The following RAPGEF5 variants were observed in gnomAD, a reference collection of about 807,000 sequenced individuals.
The protein encoded by RAPGEF5 is Rap guanine nucleotide exchange factor 5, also known as M-Ras-regulated GEF.
In RAPGEF5, 65 loss-of-function variants were observed where a neutral mutation model predicts 125.2. The observed-to-expected ratio is 0.52, with a 90% CI of 0.43 to 0.64. The LOEUF (loss-of-function observed/expected upper bound fraction) is 0.64, where lower values mean the gene tolerates loss of function less well. Among genes scored for constraint, RAPGEF5 ranks in the 30% least tolerant of loss-of-function variants. RAPGEF5 has a pLI of 0.00. For missense variants in RAPGEF5, 958 were observed against 1,048.1 expected (o/e 0.91, Z 1.19); for synonymous variants, 391 against 385.9 (o/e 1.01, Z -0.16).
At chr7:22,254,680 C>T (rs1450574944) in intron 7 of RAPGEF5, among the ~76,000 whole-genome samples, 1 of 151,676 alleles carries the variant, frequency 6.6e-6, no homozygotes, top group East Asian at 1.9e-4. Flanking sequence ...TTTCTGGCAC[C>T]AGGGACCAGT....
At chr7:22,247,554 T>C (rs1240497040) in intron 7 of RAPGEF5, among the ~76,000 whole-genome samples, 8 of 152,206 alleles carry the variant, frequency 5.3e-5, no homozygotes. Flanking sequence ...TTGCTTCTCC[T>C]TCACCTTCTG....
At chr7:22,250,151 G>A (rs1231159967) in intron 7 of RAPGEF5, among the ~76,000 whole-genome samples, 1 of 152,076 alleles carries the variant, frequency 6.6e-6, no homozygotes, top group East Asian at 1.9e-4. Context: ...TTCATTGTAC[G>A]TGCCTTCATT....
intron 20 of RAPGEF5, among the ~76,000 whole-genome samples, chr7:22,142,994 T>C (rs1003153756): frequency 6.6e-6 from 1 of 152,230 alleles, no homozygotes; most frequent in African/African-American, 2.4e-5. Context: ...TGGGGCCATA[T>C]GGAGAAGATG....
intron 1 of RAPGEF5, among the ~76,000 whole-genome samples, chr7:22,348,178 T>C (rs891595866): frequency 1.3e-5 from 2 of 152,196 alleles, no homozygotes; most frequent in Non-Finnish European, 2.9e-5. Context: ...TGAATGTGCA[T>C]TTCTTTTGCT....
chr7:22,356,815 G>T lies in RAPGEF5; in HGVS notation c.231+15C>A, dbSNP rs1784430105. ...GCGCCGCCCGTGCCCACTCGGACAG[G>T]GCCGGGCCACTCACCCGGCCCCCAG... On this transcript the variant is annotated intron_variant, in intron 1 of 25. Transcript: ENST00000665637. The T allele has an allele frequency of 1.7e-6, 2 of 1,158,626 alleles. No homozygotes were observed. The highest frequency in any genetic ancestry group is 2.1e-6 in the Non-Finnish European group (2 of 939,850). 71.8% of individuals were successfully genotyped at this position (1,158,626 alleles called of 1,614,324 possible).
At chr7:22,156,983 A>AC (rs2128109742) in intron 15 of RAPGEF5, 95 bp from the exon 16 acceptor site, 2 of 1,497,830 alleles carry the variant, frequency 1.3e-6, no homozygotes, top group Non-Finnish European at 9.0e-7. Flanking sequence ...AACTAGCCAA[A>AC]TTTTTTTTTA....
At chr7:22,172,556 C>T (rs1157955086) in intron 11 of RAPGEF5, among the ~76,000 whole-genome samples, 2 of 151,960 alleles carry the variant, frequency 1.3e-5, no homozygotes, top group East Asian at 1.9e-4. Flanking sequence ...TCTAAAAATT[C>T]CCATTTTATT....
At chr7:22,206,412 C>T (rs1785396967) in intron 9 of RAPGEF5, among the ~76,000 whole-genome samples, 1 of 152,008 alleles carries the variant, frequency 6.6e-6, no homozygotes, top group Non-Finnish European at 1.5e-5. Context: ...ATTAAAAAAT[C>T]CAAGTGAGGC....
chr7:22,159,819 G>T (rs1453938862), intron 14 of RAPGEF5, among the ~76,000 whole-genome samples: 1 of 33,468 alleles, frequency 3.0e-5, no homozygotes, highest in Non-Finnish European at 5.8e-5. Context: ...CTTTTAAAAT[G>T]CTCCACAGGC....
chr7:22,252,028 T>C (rs190328154), intron 7 of RAPGEF5, among the ~76,000 whole-genome samples: 1 of 152,224 alleles, frequency 6.6e-6, no homozygotes, highest in East Asian at 1.9e-4. Flanking sequence ...AAAAAACATG[T>C]TCCCAGGAGC....
chr7:22,186,265 A>G (rs1784823420), intron 11 of RAPGEF5, among the ~76,000 whole-genome samples: 1 of 152,214 alleles, frequency 6.6e-6, no homozygotes, highest in Admixed American at 6.5e-5. Context: ...AACAATAGTG[A>G]TTTACCAACT....
At chr7:22,231,707 A>G (rs1451904606) in intron 7 of RAPGEF5, among the ~76,000 whole-genome samples, 1 of 152,208 alleles carries the variant, frequency 6.6e-6, no homozygotes, top group Non-Finnish European at 1.5e-5. Context: ...ACTGGGATCC[A>G]CACATAATGA....
chr7:22,193,752 T>C, intron 10 of RAPGEF5, 163 bp downstream of exon 10: 2 of 1,566,862 alleles, frequency 1.3e-6, no homozygotes, highest in South Asian at 1.2e-5. Flanking sequence ...ATCTGGCTGC[T>C]AAGAGCTCTG....
chr7:22,166,839 T>C (rs1784182114), intron 12 of RAPGEF5, among the ~76,000 whole-genome samples: 1 of 152,212 alleles, frequency 6.6e-6, no homozygotes, highest in Non-Finnish European at 1.5e-5. Context: ...GCGAACATAA[T>C]ATAAACAGTG....
At chr7:22,176,070 G>A (rs1784497484) in intron 11 of RAPGEF5, among the ~76,000 whole-genome samples, 1 of 152,126 alleles carries the variant, frequency 6.6e-6, no homozygotes, top group Non-Finnish European at 1.5e-5. Flanking sequence ...TGGCTCAGGA[G>A]GCCTCACAAT....
chr7:22,231,454 A>C (rs970192396), intron 7 of RAPGEF5, among the ~76,000 whole-genome samples: 1 of 152,180 alleles, frequency 6.6e-6, no homozygotes, highest in Non-Finnish European at 1.5e-5. Flanking sequence ...TCATGGGTAC[A>C]ATGACCTCTT....
At chr7:22,178,339 G>A (rs1784573194) in intron 11 of RAPGEF5, among the ~76,000 whole-genome samples, 1 of 152,138 alleles carries the variant, frequency 6.6e-6, no homozygotes, top group Admixed American at 6.6e-5. Context: ...CATCAACTGA[G>A]TTTCCTATAA....
chr7:22,166,969 T>G, intron 12 of RAPGEF5, 101 bp downstream of exon 12: 1 of 911,970 alleles, frequency 1.1e-6, no homozygotes. Context: ...ATCCACATTC[T>G]ACTATGGGGT....
At chr7:22,168,684 A>G (rs1262955314) in intron 11 of RAPGEF5, among the ~76,000 whole-genome samples, 2 of 152,242 alleles carry the variant, frequency 1.3e-5, no homozygotes, top group African/African-American at 4.8e-5. Context: ...TATGAACACA[A>G]AACTCTGATA....
Sources: allele counts gnomAD v4.1 joint callset (sites outside exome capture counted in the v4.1 genomes callset), GRCh38; gene constraint gnomAD v4.1.1; transcripts MANE v1.5; gene names NCBI Gene and HGNC (gene_info 2026-07-23, HGNC 2026-07-21).